Variants in MARCHF4 observed in about 807,000 individuals in gnomAD.
MARCHF4 encodes the protein membrane associated ring-CH-type finger 4, also known as E3 ubiquitin-protein ligase MARCHF4.
In MARCHF4, 14 loss-of-function variants were observed where a neutral mutation model predicts 43.9. The observed-to-expected ratio is 0.32, with a 90% confidence interval of 0.21 to 0.50. The LOEUF (loss-of-function observed/expected upper bound fraction) is 0.50. MARCHF4 is among the 20% of genes least tolerant of loss of function. MARCHF4 has a pLI of 0.98. For synonymous variants in MARCHF4, 226 were observed against 213.3 expected (o/e 1.06, Z -0.52); for missense variants, 468 against 536.7 (o/e 0.87, Z 1.27).
intron 1 of MARCHF4, among the ~76,000 whole-genome samples, chr2:216,286,530 AAAAAG>A (rs1210972475): frequency 6.6e-6 from 1 of 152,052 alleles, no homozygotes; most frequent in Non-Finnish European, 1.5e-5. Flanking sequence ...TAAAAAAAAA[AAAAAG>A]AAGAAGAAGA....
chr2:216,290,412 T>G (rs1484016950), intron 1 of MARCHF4, among the ~76,000 whole-genome samples: 3 of 152,088 alleles, frequency 2.0e-5, no homozygotes, highest in Non-Finnish European at 2.9e-5. Context: ...GGTAGAGTAG[T>G]TTAGAGGAAG....
chr2:216,272,755 A>G (rs1559086593), intron 3 of MARCHF4, among the ~76,000 whole-genome samples: 1 of 152,234 alleles, frequency 6.6e-6, no homozygotes, highest in African/African-American at 2.4e-5. Context: ...TGGCTTTCAC[A>G]GTGGCATGCA....
chr2:216,319,365 A>G (rs1244337356), intron 1 of MARCHF4, among the ~76,000 whole-genome samples: 1 of 152,106 alleles, frequency 6.6e-6, no homozygotes, highest in Non-Finnish European at 1.5e-5. Context: ...GGCAATGGAC[A>G]GGGGGTGCTT....
chr2:216,261,589 G>A (rs542179555), intron 3 of MARCHF4, among the ~76,000 whole-genome samples: 2 of 152,338 alleles, frequency 1.3e-5, no homozygotes, highest in East Asian at 3.9e-4. Context: ...GCCTATCAGA[G>A]TGATTACTAG....
chr2:216,327,396 G>A (rs931885506), intron 1 of MARCHF4, among the ~76,000 whole-genome samples: 1 of 151,086 alleles, frequency 6.6e-6, no homozygotes, highest in African/African-American at 2.4e-5. Context: ...CTCATCTTAA[G>A]GTCTGCTTCT....
chr2:216,283,438 C>T lies in MARCHF4; in HGVS notation c.672+136G>A, dbSNP rs934712743. On this transcript the variant is annotated intron_variant, in intron 2 of 3. Coordinates refer to ENST00000273067, the MANE Select transcript of MARCHF4 (RefSeq NM_020814.3). ...TCCCCTCCTGCCCCACGCCGCCCAC[C>T]GTGCTTGCCCACCCAGCCCATCTTC... 10 of 1,025,484 alleles carry T rather than the reference C, an allele frequency of 9.8e-6. No homozygotes were observed. The African/African-American group carries it at 1.1e-4, about 11-fold the overall frequency. 63.5% of individuals were successfully genotyped at this position (1,025,484 alleles called of 1,614,324 possible).
intron 3 of MARCHF4, among the ~76,000 whole-genome samples, chr2:216,276,350 G>T (rs1691021234): frequency 6.6e-6 from 1 of 152,086 alleles, no homozygotes; most frequent in Admixed American, 6.5e-5. Flanking sequence ...AAATTAGAAT[G>T]CATCAATGTC....
intron 1 of MARCHF4, among the ~76,000 whole-genome samples, chr2:216,292,901 G>T (rs1691329866): frequency 6.6e-6 from 1 of 152,212 alleles, no homozygotes; most frequent in African/African-American, 2.4e-5. Context: ...TCAGGATCAA[G>T]AAAAATGACC....
chr2:216,292,251 A>G (rs1691321157), intron 1 of MARCHF4, among the ~76,000 whole-genome samples: 1 of 152,248 alleles, frequency 6.6e-6, no homozygotes, highest in Admixed American at 6.5e-5. Context: ...GTTAAGAGAA[A>G]GTTAAGGGAC....
At chr2:216,312,028 T>C (rs1691694749) in intron 1 of MARCHF4, among the ~76,000 whole-genome samples, 1 of 152,240 alleles carries the variant, frequency 6.6e-6, no homozygotes, top group East Asian at 1.9e-4. Context: ...GTTTGTTACA[T>C]GGGTATATTG....
At chr2:216,329,281 G>A (rs184946962) in intron 1 of MARCHF4, among the ~76,000 whole-genome samples, 120 of 152,046 alleles carry the variant, frequency 7.9e-4, no homozygotes, top group Middle Eastern at 3.4e-3. Flanking sequence ...CTCGGGAGGC[G>A]GAGGCAGGAG....
chr2:216,327,351 C>A (rs912945392), intron 1 of MARCHF4, among the ~76,000 whole-genome samples: 1 of 151,894 alleles, frequency 6.6e-6, no homozygotes. Context: ...ATCTTCACCC[C>A]CCCACCACCA....
chr2:216,332,343 G>A (rs1309851430), intron 1 of MARCHF4, among the ~76,000 whole-genome samples: 1 of 149,344 alleles, frequency 6.7e-6, no homozygotes, highest in East Asian at 2.0e-4. Flanking sequence ...AGTGCGCCGA[G>A]ATTGAGCCAC....
chr2:216,277,976 G>A, intron 2 of MARCHF4, 112 bp from the exon 3 acceptor site: 1 of 1,008,198 alleles, frequency 9.9e-7, no homozygotes, highest in Non-Finnish European at 1.4e-6. Context: ...ATTTAAGCCA[G>A]GGCTTTCCAA....
At chr2:216,300,300 ATGCATATATATATG>A (rs963311974) in intron 1 of MARCHF4, among the ~76,000 whole-genome samples, 7 of 145,608 alleles carry the variant, frequency 4.8e-5, no homozygotes, top group South Asian at 2.1e-4. Context: ...TTTTTCTTAA[ATGCATATATATATG>A]TGCATATATA....
intron 1 of MARCHF4, among the ~76,000 whole-genome samples, chr2:216,301,421 T>C (rs112585424): frequency 0.067 from 10,265 of 152,222 alleles, 1,141 homozygotes; most frequent in African/African-American, 0.24. Context: ...ACATAGTTAC[T>C]GTCACTTGTA....
At chr2:216,263,342 G>T (rs1690773629) in intron 3 of MARCHF4, among the ~76,000 whole-genome samples, 1 of 151,964 alleles carries the variant, frequency 6.6e-6, no homozygotes, top group Admixed American at 6.6e-5. Flanking sequence ...CAGGAAAATT[G>T]CTTGAACCCA....
intron 3 of MARCHF4, among the ~76,000 whole-genome samples, chr2:216,272,717 G>A (rs866007579): frequency 6.6e-6 from 1 of 152,198 alleles, no homozygotes; most frequent in Non-Finnish European, 1.5e-5. Context: ...GGATGTCACA[G>A]TTTGTTCCAT....
intron 1 of MARCHF4, among the ~76,000 whole-genome samples, chr2:216,323,564 T>C (rs150539552): frequency 2.5e-4 from 38 of 152,188 alleles, no homozygotes; most frequent in African/African-American, 7.7e-4. Context: ...TACTGGGAAG[T>C]AAAGCACTCC....
Sources: gnomAD v4.1 joint callset for allele counts (sites outside exome capture counted in the v4.1 genomes callset) on GRCh38, gnomAD v4.1.1 for gene constraint, MANE v1.5 for transcripts, NCBI Gene and HGNC (gene_info 2026-07-23, HGNC 2026-07-21) for gene names.